The following DSE variants were observed in gnomAD, a reference collection of about 807,000 sequenced individuals.
DSE encodes the protein dermatan sulfate epimerase, also known as dermatan-sulfate epimerase.
DSE carries 36 observed loss-of-function variants against 84.4 expected under a neutral mutation model. The ratio of observed to expected loss-of-function variants is 0.43; its 90% CI spans 0.33 to 0.56. The LOEUF is 0.56. Among genes scored for constraint, DSE ranks in the 20% least tolerant of loss-of-function variants. The pLI is 0.06. For synonymous variants in DSE, 410 were observed against 430.1 expected (o/e 0.95, Z 0.58); for missense variants, 862 against 1,169.6 (o/e 0.74, Z 3.84).
upstream of DSE, chr6:116,370,940 G>A (rs980484002): frequency 1.1e-5 from 11 of 985,322 alleles, no homozygotes; most frequent in African/African-American, 1.7e-5. Flanking sequence ...CCGCCGGCCC[G>A]GCTCTCAGTA....
intron 2 of DSE, among the ~76,000 whole-genome samples, chr6:116,351,171 T>C (rs927683041): frequency 7.9e-5 from 12 of 152,196 alleles, no homozygotes; most frequent in African/African-American, 2.9e-4. Flanking sequence ...CATTATAACT[T>C]TCCTGTAACA....
At chr6:116,335,234 T>A (rs1270252939) in intron 2 of DSE, among the ~76,000 whole-genome samples, 1 of 152,166 alleles carries the variant, frequency 6.6e-6, no homozygotes, top group African/African-American at 2.4e-5. Flanking sequence ...GGGACATGGA[T>A]GGAGCTAGAG....
chr6:116,435,618 C>T lies in DSE; in HGVS notation c.1150C>T (p.Pro384Ser). 6.3e-7 allele frequency: 1 copy of T among 1,590,306 alleles called. No individual in the cohort carries two copies. Among genetic ancestry groups the T allele is most frequent in the Non-Finnish European group, 8.6e-7 (1 of 1,167,492 alleles). Residue 384 changes from proline (P) to serine (S), a missense_variant, in exon 6 of 6, where the codon CCA becomes TCA. By Grantham distance (74) the Pro-to-Ser change is moderately conservative. Coordinates refer to ENST00000644252, the MANE Select transcript of DSE (RefSeq NM_013352.4). ...YDGSLKSVPP[P>S]DFGTPTLHYF... is the part of the protein sequence containing the mutation. ...TGGCAGCTTGAAATCGGTTCCTCCT[C>T]CAGACTTTGGCACCCCTACACTGCA...
chr6:116,320,622 G>A (rs1215124456), intron 2 of DSE, among the ~76,000 whole-genome samples: 2 of 152,074 alleles, frequency 1.3e-5, no homozygotes, highest in African/African-American at 2.4e-5. Context: ...CACATCTGGA[G>A]GCTGGAAGTC....
chr6:116,323,594 T>C (rs964299125), intron 2 of DSE, among the ~76,000 whole-genome samples: 2 of 152,226 alleles, frequency 1.3e-5, no homozygotes, highest in Admixed American at 6.5e-5. Flanking sequence ...TCTATTTTAC[T>C]CATTTTAGTT....
intron 2 of DSE, among the ~76,000 whole-genome samples, chr6:116,284,723 A>G (rs1352702592): frequency 1.5e-5 from 2 of 130,276 alleles, no homozygotes; most frequent in African/African-American, 5.9e-5. Context: ...CCTGTGTCCA[A>G]GTGTTCTCAT....
At chr6:116,425,162 AT>A (rs1783350694) in intron 2 of DSE, among the ~76,000 whole-genome samples, 2 of 152,236 alleles carry the variant, frequency 1.3e-5, no homozygotes, top group Admixed American at 6.5e-5. Flanking sequence ...TCATGCCTTA[AT>A]TTAAAAAAGC....
Position 116,357,376 on chromosome 6 carries a change from C to A in DSE, c.-53-41822C>A, listed in dbSNP as rs570158136. Among the ~76,000 whole-genome samples the A allele has an allele frequency of 1.3e-3, 199 of 152,056 alleles. 1 individual carries two copies. The highest frequency in any genetic ancestry group is 2.5e-3 in the South Asian group (12 of 4,808). ...TGAAACCCCGTCTCTACTAAAAATA[C>A]AAAAAATTAGCCGGGCATGGTAGTG... is the stretch of plus-strand genomic sequence containing the variant. On this transcript the variant is annotated intron_variant, in intron 2 of 3. Coordinates refer to the DSE transcript ENST00000430252.
intron 2 of DSE, chr6:116,278,141 G>A (rs1224253819): frequency 3.2e-6 from 1 of 310,016 alleles, no homozygotes; most frequent in Non-Finnish European, 6.3e-6. Context: ...CTGAGTAGGT[G>A]GAACAGGCTC....
At chr6:116,393,219 T>G (rs922437300) in intron 1 of DSE, among the ~76,000 whole-genome samples, 1 of 152,202 alleles carries the variant, frequency 6.6e-6, no homozygotes, top group Admixed American at 6.5e-5. Context: ...TTTAATCTAT[T>G]ATTCTTTTCT....
At chr6:116,255,841 A>G (rs1772119788) in intron 1 of DSE, 1 of 152,212 alleles carries the variant, frequency 6.6e-6, no homozygotes, top group Non-Finnish European at 1.5e-5. Context: ...CTACTATACA[A>G]ATTTATAGAA....
chr6:116,434,369 C>CA (rs1258187740), intron 5 of DSE, among the ~76,000 whole-genome samples: 1 of 151,262 alleles, frequency 6.6e-6, no homozygotes, highest in East Asian at 1.9e-4. Flanking sequence ...TTTCAAAATA[C>CA]AAAAAAATTA....
In DSE at chr6:116,434,651, A is replaced by G. The variant is rs554876187; in HGVS notation, c.1119-936A>G. 9.0e-4 allele frequency among the ~76,000 whole-genome samples: 137 copies of G among 152,294 alleles called. 3 individuals are homozygous for G. In the South Asian group the frequency reaches 0.027, roughly 30 times the overall value. On this transcript the variant is annotated intron_variant, in intron 5 of 5. Transcript: ENST00000644252. ...TATAGCAATATGCAAACTGACCAAA[A>G]ACTGAGAGTAAGATGGCCAATTCAG...
At chr6:116,406,074 T>C (rs1208240462) in intron 2 of DSE, among the ~76,000 whole-genome samples, 2 of 152,252 alleles carry the variant, frequency 1.3e-5, no homozygotes, top group Non-Finnish European at 2.9e-5. Flanking sequence ...AATCCGAAGT[T>C]AATTTTCTTT....
At chr6:116,365,774 G>T (rs1779133882), upstream of DSE, among the ~76,000 whole-genome samples, 1 of 152,210 alleles carries the variant, frequency 6.6e-6, no homozygotes, top group Non-Finnish European at 1.5e-5. Flanking sequence ...ATGCTAATAT[G>T]CACCCAGGGG....
At position 116,416,757 on chromosome 6, in the gene DSE, A is replaced by G. The variant is rs1376088505; in HGVS notation, c.417-9817A>G. On this transcript the variant is annotated intron_variant, in intron 2 of 5. Transcript: ENST00000644252. ...CTTAAAATCATACTGACTACTGACA[A>G]TTGCTAACTGGCAGTTGTCTGTATG... is the stretch of plus-strand genomic sequence containing the variant. Among the ~76,000 whole-genome samples, 5 of 152,032 alleles carry G rather than the reference A, an allele frequency of 3.3e-5. 1 individual carries two copies. The East Asian group carries it at 9.7e-4, about 29-fold the overall frequency.
chr6:116,337,030 A>G (rs747034831), intron 2 of DSE, among the ~76,000 whole-genome samples: 6 of 152,202 alleles, frequency 3.9e-5, no homozygotes, highest in Non-Finnish European at 5.9e-5. Flanking sequence ...CAGTGTTTAC[A>G]TTTTATCTCT....
At chr6:116,335,548 T>G (rs1777195470) in intron 2 of DSE, among the ~76,000 whole-genome samples, 1 of 152,216 alleles carries the variant, frequency 6.6e-6, no homozygotes, top group African/African-American at 2.4e-5. Context: ...AAAAGATATT[T>G]TCTTCTCCTT....
intron 2 of DSE, among the ~76,000 whole-genome samples, chr6:116,423,631 G>A (rs978561846): frequency 6.6e-6 from 1 of 152,162 alleles, no homozygotes; most frequent in African/African-American, 2.4e-5. Context: ...CATTCACAGT[G>A]AACTGATTTA....
Sources: allele counts gnomAD v4.1 joint callset (sites outside exome capture counted in the v4.1 genomes callset), GRCh38; gene constraint gnomAD v4.1.1; transcripts MANE v1.5; gene names NCBI Gene and HGNC (gene_info 2026-07-23, HGNC 2026-07-21).